The following ANKRD46 variants were observed in gnomAD, a reference collection of about 807,000 sequenced individuals.
ANKRD46 encodes the protein ankyrin repeat domain 46.
ANKRD46 carries 13 observed loss-of-function variants against 19.8 expected under a neutral mutation model. The observed-to-expected ratio is 0.66, with a 90% CI of 0.43 to 1.04. The LOEUF is 1.04. Among genes scored for constraint, ANKRD46 ranks in the 50% least tolerant of loss-of-function variants. The pLI is 0.00. For synonymous variants in ANKRD46, 91 were observed against 106.9 expected (o/e 0.85, Z 0.92); for missense variants, 185 against 274.8 (o/e 0.67, Z 2.31).
intron 1 of ANKRD46, among the ~76,000 whole-genome samples, chr8:100,548,923 T>C (rs1812325845): frequency 6.6e-6 from 1 of 152,030 alleles, no homozygotes; most frequent in Non-Finnish European, 1.5e-5. Context: ...ATTTGTTGAC[T>C]CCTCCCATAA....
intron 1 of ANKRD46, chr8:100,551,364 C>G (rs62515844): frequency 0.059 from 34,468 of 585,928 alleles, 1,367 homozygotes; most frequent in Non-Finnish European, 0.076. Context: ...GATGATGACC[C>G]TTTTGGCTCC....
At chr8:100,542,882 A>G (rs1245375420) in intron 1 of ANKRD46, among the ~76,000 whole-genome samples, 1 of 152,118 alleles carries the variant, frequency 6.6e-6, no homozygotes, top group Non-Finnish European at 1.5e-5. Flanking sequence ...CCTTCAGCAG[A>G]GTAATTTCAA....
Position 100,550,644 on chromosome 8 carries a change from G to A in ANKRD46, c.-131+9067C>T, listed in dbSNP as rs1812367014. The A allele has an allele frequency of 4.0e-6, 1 of 249,830 alleles. No homozygotes were observed. Among genetic ancestry groups the A allele is most frequent in the South Asian group, 4.9e-5 (1 of 20,384 alleles). The allele number at this position is 249,830 out of a possible 1,614,324, so 15.5% of individuals were successfully genotyped here. On this transcript the variant is annotated intron_variant, in intron 1 of 4. Transcript: ENST00000335659. This position sits in a 1 kb window ranked among gnomAD's most constrained non-coding sequence, Gnocchi z 4.4. ...GAGATTCCCAGTGTGGTGGGGGACT[G>A]AGCATGGCAGGGACTGCCCAGAAGC...
Position 100,557,384 on chromosome 8 carries a change from C to T in ANKRD46, c.-131+2327G>A, listed in dbSNP as rs1365696618. On this transcript the variant is annotated intron_variant, in intron 1 of 4. Coordinates refer to ENST00000335659, the MANE Select transcript of ANKRD46 (RefSeq NM_001270377.2). This position sits in a 1 kb window ranked among gnomAD's most constrained non-coding sequence, Gnocchi z 5.9. Reference sequence around the variant, plus strand: ...AATCCTATCAGCAATACTCAGAATACGACGGCTTCTTACTGCCTCTCTTAC... The same window carrying T: ...AATCCTATCAGCAATACTCAGAATATGACGGCTTCTTACTGCCTCTCTTAC... Among the ~76,000 whole-genome samples, 3 of 152,196 alleles carry T rather than the reference C, an allele frequency of 2.0e-5. No homozygotes were observed. Among genetic ancestry groups the T allele is most frequent in the Admixed American group, 1.3e-4 (2 of 15,282 alleles).
chr8:100,528,603 CTTAT>C (rs1420329172), intron 3 of ANKRD46, among the ~76,000 whole-genome samples: 7 of 147,638 alleles, frequency 4.7e-5, no homozygotes, highest in Non-Finnish European at 1.5e-5. Flanking sequence ...TAGATTCATT[CTTAT>C]TTGATATTTA....
At chr8:100,535,932 G>A (rs1261768154) in intron 1 of ANKRD46, among the ~76,000 whole-genome samples, 2 of 152,108 alleles carry the variant, frequency 1.3e-5, no homozygotes, top group Non-Finnish European at 1.5e-5. Context: ...TGAGTCGTAT[G>A]AAGACCTGAA....
chr8:100,533,395 G>A (rs1356268633), intron 1 of ANKRD46, 84 bp from the exon 2 acceptor site: 2 of 152,196 alleles, frequency 1.3e-5, no homozygotes, highest in East Asian at 3.8e-4. Context: ...ACAGGTTACT[G>A]AGCCTGAAGA....
chr8:100,523,735 C>T (rs1811780392), intron 4 of ANKRD46, among the ~76,000 whole-genome samples: 1 of 152,158 alleles, frequency 6.6e-6, no homozygotes, highest in South Asian at 2.1e-4. Flanking sequence ...CCTCCACCTC[C>T]CCAGCTCAAG....
In ANKRD46 at chr8:100,529,792, C is replaced by T; in HGVS notation, c.42G>A (p.Val14=). The T allele has an allele frequency of 6.2e-7, 1 of 1,614,166 alleles. No homozygotes were observed. Among genetic ancestry groups the T allele is most frequent in the Non-Finnish European group, 8.5e-7 (1 of 1,180,036 alleles). ...VFVNDSSQTN[V]PLLQACIDGD... ...CATCAATACAGGCTTGCAGCAAGGG[C>T]ACGTTAGTCTGAGAAGAATCATTTA... The change falls in exon 3 of 5, where the codon GTG becomes GTA. Residue 14 remains valine (V), a synonymous_variant. Transcript: ENST00000335659. The surrounding 1 kb of genome is among the most constrained non-coding windows in gnomAD (Gnocchi z 5.8).
chr8:100,518,634 G>T (rs975894566), downstream of ANKRD46, among the ~76,000 whole-genome samples: 5 of 152,054 alleles, frequency 3.3e-5, no homozygotes, highest in Non-Finnish European at 4.4e-5. Flanking sequence ...GGTGGATCAC[G>T]AGGTCAGGAG....
Position 100,521,093 on chromosome 8 carries a change from G to A in ANKRD46, c.*1462C>T. The stretch of plus-strand genomic sequence containing the variant: ...CAAGACTCTGCAAGCTGATCCTGAA[G>A]CAGCCAGTTACTCAGGAATTTTACA... On this transcript the variant is annotated 3_prime_UTR_variant, in exon 5 of 5. Coordinates refer to ENST00000335659, the MANE Select transcript of ANKRD46 (RefSeq NM_001270377.2). 1.0e-6 allele frequency: 1 copy of A among 984,994 alleles called. No individual in the cohort carries two copies. Among genetic ancestry groups the A allele is most frequent in the Non-Finnish European group, 1.2e-6 (1 of 829,888 alleles). The allele number at this position is 984,994 out of a possible 1,614,324, so 61.0% of individuals were successfully genotyped here. A position where few individuals can be genotyped will look rare whatever the true frequency, so the allele number is the denominator to read the frequency against.
At chr8:100,553,815 GA>G (rs1812442140) in intron 1 of ANKRD46, among the ~76,000 whole-genome samples, 1 of 152,056 alleles carries the variant, frequency 6.6e-6, no homozygotes, top group Non-Finnish European at 1.5e-5. Context: ...TGTAATAAAA[GA>G]AAATATAGGT....
chr8:100,547,597 G>A (rs565548569), intron 1 of ANKRD46, among the ~76,000 whole-genome samples: 10 of 152,124 alleles, frequency 6.6e-5, no homozygotes, highest in Non-Finnish European at 1.3e-4. Context: ...ACTCCAGCCT[G>A]GGCAACAGAG....
In ANKRD46 at chr8:100,545,446, T is replaced by G. The variant is rs1586798652; in HGVS notation, c.-130-12135A>C. Among the ~76,000 whole-genome samples the G allele has an allele frequency of 6.6e-6, 1 of 152,304 alleles. No individual in the cohort carries two copies. Among genetic ancestry groups the G allele is most frequent in the East Asian group, 1.9e-4 (1 of 5,188 alleles). On this transcript the variant is annotated intron_variant, in intron 1 of 4. Transcript: ENST00000335659. The surrounding 1 kb of genome is among the most constrained non-coding windows in gnomAD (Gnocchi z 4.7). The stretch of plus-strand genomic sequence containing the variant: ...CCCTACACATTCTCTCTTGCCGCCA[T>G]GTAAGATGTTCCTTGCTTCCCCATA...
chr8:100,511,505 A>G lies in ANKRD46; in HGVS notation c.637-866T>C, dbSNP rs1338154017. Among the ~76,000 whole-genome samples the G allele has an allele frequency of 6.6e-6, 1 of 152,068 alleles. No homozygotes were observed. Among genetic ancestry groups the G allele is most frequent in the African/African-American group, 2.4e-5 (1 of 41,392 alleles). On this transcript the variant is annotated intron_variant, in intron 5 of 5. Transcript: ENST00000520552. This position sits in a 1 kb window ranked among gnomAD's most constrained non-coding sequence, Gnocchi z 4.1. ...TAGGCATGTCATCTCATCCTTTCACATCTATTCTTGTAACTCAGAAGCACT... is the reference window on the plus strand; with the variant it reads ...TAGGCATGTCATCTCATCCTTTCACGTCTATTCTTGTAACTCAGAAGCACT...
Position 100,547,240 on chromosome 8 carries a change from C to T in ANKRD46, c.-131+12471G>A, listed in dbSNP as rs556380275. On this transcript the variant is annotated intron_variant, in intron 1 of 4. Transcript: ENST00000335659. ...AAATCTCATCCCAAATTGTAATTCC[C>T]GCATGTCAAGGGAGGGACCTGGTGG... 1.8e-3 allele frequency among the ~76,000 whole-genome samples: 267 copies of T among 152,232 alleles called. 8 individuals are homozygous for T. The South Asian group carries it at 0.046, about 26-fold the overall frequency.
intron 4 of ANKRD46, among the ~76,000 whole-genome samples, chr8:100,526,249 C>A (rs941782244): frequency 6.6e-6 from 1 of 152,132 alleles, no homozygotes; most frequent in Non-Finnish European, 1.5e-5. Flanking sequence ...GTAATCACAA[C>A]TGAGGCAAAC....
downstream of ANKRD46, among the ~76,000 whole-genome samples, chr8:100,517,722 T>G (rs7011617): frequency 0.011 from 1,637 of 152,328 alleles, 38 homozygotes; most frequent in African/African-American, 0.037. Context: ...ACAAAGGAAT[T>G]AACCTCATCC....
rs1174489447 is a variant in ANKRD46 at position 100,524,602 on chromosome 8, C to T, written c.471-1831G>A. 6.6e-6 allele frequency among the ~76,000 whole-genome samples: 1 copy of T among 151,938 alleles called. No individual in the cohort carries two copies. Among genetic ancestry groups the T allele is most frequent in the East Asian group, 1.9e-4 (1 of 5,186 alleles). On this transcript the variant is annotated intron_variant, in intron 4 of 4. Coordinates refer to ENST00000335659, the MANE Select transcript of ANKRD46 (RefSeq NM_001270377.2). The surrounding 1 kb of genome is among the most constrained non-coding windows in gnomAD (Gnocchi z 4.3). ...ACCACAGTAATTTTGGAACACTTGA[C>T]AGCAAGTTTAAAAATAAGATTAGAA...
Sources: allele counts gnomAD v4.1 joint callset (sites outside exome capture counted in the v4.1 genomes callset), GRCh38; gene constraint gnomAD v4.1.1; non-coding constraint Gnocchi (gnomAD v3.1); transcripts MANE v1.5; gene names NCBI Gene and HGNC (gene_info 2026-07-23, HGNC 2026-07-21).